Variants in SUN2 observed in about 807,000 individuals in gnomAD.
SUN2 encodes the protein SUN domain-containing protein 2.
A neutral mutation model predicts 100.0 loss-of-function variants in SUN2; 60 were observed. That is an observed-to-expected ratio of 0.60 (90% CI 0.49 to 0.74). The LOEUF is 0.74. SUN2 is among the 30% of genes least tolerant of loss of function. SUN2 has a pLI of 0.00. For synonymous variants in SUN2, 367 were observed against 403.3 expected (o/e 0.91, Z 1.08); for missense variants, 834 against 954.6 (o/e 0.87, Z 1.66).
In SUN2 at chr22:38,739,570, C is replaced by T; in HGVS notation, c.1579-144G>A. ...GCCCAGGCAGATGTGGGCACACTGC[C>T]ACCCACCCATGCCAGCCCCACAGCA... On this transcript the variant is annotated intron_variant, in intron 13 of 17. Transcript: ENST00000689035. This position sits in a 1 kb window ranked among gnomAD's most constrained non-coding sequence, Gnocchi z 6.7. 7.7e-7 allele frequency: 1 copy of T among 1,299,602 alleles called. No homozygotes were observed. The highest frequency in any genetic ancestry group is 1.1e-6 in the Non-Finnish European group (1 of 923,204). The allele number at this position is 1,299,602 out of a possible 1,614,324, so 80.5% of individuals were successfully genotyped here.
chr22:38,738,998 G>A lies in SUN2; in HGVS notation c.1664-10C>T, dbSNP rs1247284024. Reference sequence around the variant, plus strand: ...CTGATGACGCTGGCCCCTGAGACAGGAGAGGAAGGCAGGGTGGGCTCCCGC... The same window carrying A: ...CTGATGACGCTGGCCCCTGAGACAGAAGAGGAAGGCAGGGTGGGCTCCCGC... On this transcript the variant is annotated splice_polypyrimidine_tract_variant and intron_variant, in intron 14 of 17. Transcript: ENST00000689035. The surrounding 1 kb of genome is among the most constrained non-coding windows in gnomAD (Gnocchi z 6.6). The A allele has an allele frequency of 6.2e-7, 1 of 1,603,524 alleles. No homozygotes were observed. Among genetic ancestry groups the A allele is most frequent in the Non-Finnish European group, 8.5e-7 (1 of 1,175,424 alleles).
rs2092841569 is a variant in SUN2 at position 38,740,085 on chromosome 22, G to A, written c.1357-142C>T. 4.9e-6 allele frequency: 6 copies of A among 1,213,432 alleles called. No individual in the cohort carries two copies. Among genetic ancestry groups the A allele is most frequent in the East Asian group, 4.9e-5 (2 of 40,462 alleles). 75.2% of individuals were successfully genotyped at this position (1,213,432 alleles called of 1,614,324 possible). ...GGAAAGAGTTATGAACACTCCATGG[G>A]CACTAACAAAAACAGGAAGAACGCC... On this transcript the variant is annotated intron_variant, in intron 12 of 17. Coordinates refer to ENST00000689035, the MANE Select transcript of SUN2 (RefSeq NM_015374.3). The surrounding 1 kb of genome is among the most constrained non-coding windows in gnomAD (Gnocchi z 4.8).
Position 38,736,174 on chromosome 22 carries a change from A to G in SUN2, c.*93T>C, listed in dbSNP as rs769901902. ...CCACAGGCTCCTCTCTTGTGCTCCT[A>G]GAAGTCAGAGCGCCGAGCAAGCGTG... On this transcript the variant is annotated 3_prime_UTR_variant, in exon 18 of 18. Coordinates refer to ENST00000689035, the MANE Select transcript of SUN2 (RefSeq NM_015374.3). 4.9e-6 allele frequency: 6 copies of G among 1,221,344 alleles called. No homozygotes were observed. The South Asian group carries it at 5.0e-5, about 10-fold the overall frequency. The allele number at this position is 1,221,344 out of a possible 1,614,324, so 75.7% of individuals were successfully genotyped here. A position where few individuals can be genotyped will look rare whatever the true frequency, so the allele number is the denominator to read the frequency against.
chr22:38,754,763 G>A lies in SUN2; in HGVS notation c.-38+1000C>T, dbSNP rs536069192. The A allele has an allele frequency of 9.1e-5, 117 of 1,288,224 alleles. No homozygotes were observed. The African/African-American group carries it at 1.6e-3, about 18-fold the overall frequency. The allele number at this position is 1,288,224 out of a possible 1,614,324, so 79.8% of individuals were successfully genotyped here. ...TTATACCATACCCAAGCTGCCGCTG[G>A]GAAGAACTAAATATTCTGATGGAGG... On this transcript the variant is annotated intron_variant, in intron 1 of 17. Transcript: ENST00000689035.
chr22:38,751,008 C>T lies in SUN2; in HGVS notation c.314G>A (p.Arg105Lys). Reference sequence around the variant, plus strand: ...GCTGCTCTCTGAGCCACCCGTGCCTCTCCTCCTCCGCACCCGCAGGTCCTC... The same window carrying T: ...GCTGCTCTCTGAGCCACCCGTGCCTTTCCTCCTCCGCACCCGCAGGTCCTC... Reference protein sequence around the residue: ...WGEDLRVRRRRGTGGSESSRA... With the variant: ...WGEDLRVRRRKGTGGSESSRA... The change falls in exon 4 of 18, where the codon AGA becomes AAA. Residue 105 changes from arginine (R) to lysine (K), a missense_variant. This residue lies in a region of SUN2 where 559 missense variants were observed against 597.7 expected (regional missense o/e 0.94). Coordinates refer to ENST00000689035, the MANE Select transcript of SUN2 (RefSeq NM_015374.3). 2 of 1,613,526 alleles carry T rather than the reference C, an allele frequency of 1.2e-6. No individual in the cohort carries two copies. Among genetic ancestry groups the T allele is most frequent in the South Asian group, 2.2e-5 (2 of 91,038 alleles).
chr22:38,741,363 T>C, intron 10 of SUN2, 131 bp downstream of exon 10: 1 of 937,362 alleles, frequency 1.1e-6, no homozygotes, highest in African/African-American at 1.6e-5. Flanking sequence ...AACAGAGAAG[T>C]CAGAGGAGGG....
At chr22:38,741,103 T>G (rs893741999) in intron 10 of SUN2, 53 bp from the exon 11 acceptor site, 8 of 1,555,524 alleles carry the variant, frequency 5.1e-6, no homozygotes, top group Admixed American at 1.9e-5. Context: ...GAAATTGGTG[T>G]TCCAGAGTAG....
chr22:38,754,600 A>G (rs2092971132), intron 1 of SUN2: 2 of 840,056 alleles, frequency 2.4e-6, no homozygotes, highest in Non-Finnish European at 1.7e-6. Context: ...TTATAAGGTA[A>G]TCTCCCCTCC....
At chr22:38,745,843 T>C (rs781101067) in intron 7 of SUN2, 32 bp from the exon 8 acceptor site, 1 of 1,608,592 alleles carries the variant, frequency 6.2e-7, no homozygotes, top group South Asian at 1.1e-5. Context: ...TTACCCCAGC[T>C]GGGCCTCCAG....
At chr22:38,736,604 C>T (rs1421455286) in intron 17 of SUN2, 4 of 392,414 alleles carry the variant, frequency 1.0e-5, no homozygotes, top group Middle Eastern at 6.6e-4. Flanking sequence ...TCATCTGAAA[C>T]CGGAATGAAT....
At chr22:38,753,886 T>C (rs1454137978) in intron 1 of SUN2, among the ~76,000 whole-genome samples, 1 of 152,160 alleles carries the variant, frequency 6.6e-6, no homozygotes, top group African/African-American at 2.4e-5. Flanking sequence ...AGTTTTCCAG[T>C]TGTTTCAGGA....
In SUN2 at chr22:38,738,856, G is replaced by A. The variant is rs749003532; in HGVS notation, c.1779+17C>T. 3 of 1,598,534 alleles carry A rather than the reference G, an allele frequency of 1.9e-6. No individual in the cohort carries two copies. Among genetic ancestry groups the A allele is most frequent in the Admixed American group, 1.7e-5 (1 of 59,258 alleles). On this transcript the variant is annotated intron_variant, in intron 15 of 17. Transcript: ENST00000689035. This position sits in a 1 kb window ranked among gnomAD's most constrained non-coding sequence, Gnocchi z 6.6. The stretch of plus-strand genomic sequence containing the variant: ...GTGTGCTCAGAGCCCCCGCTGCTGT[G>A]CTTGCCAGGTGCCCACCTGGAGGAT...
At chr22:38,749,929 C>T in intron 5 of SUN2, 70 bp from the exon 6 acceptor site, 1 of 1,465,290 alleles carries the variant, frequency 6.8e-7, no homozygotes. Flanking sequence ...GTCCCGTCTG[C>T]CGTCCTCCCT....
Position 38,737,366 on chromosome 22 carries a change from G to A in SUN2, c.2040+807C>T, listed in dbSNP as rs566440916. Among the ~76,000 whole-genome samples, 19 of 152,018 alleles carry A rather than the reference G, an allele frequency of 1.2e-4. No individual in the cohort carries two copies. The East Asian group carries it at 3.1e-3, about 25-fold the overall frequency. On this transcript the variant is annotated intron_variant, in intron 17 of 17. Coordinates refer to ENST00000689035, the MANE Select transcript of SUN2 (RefSeq NM_015374.3). The surrounding 1 kb of genome is among the most constrained non-coding windows in gnomAD (Gnocchi z 4.1). ...CAACTGGACATTCACGACCCTCCCT[G>A]CTACGTCTTTGTCCTCACTCCCAAC...
intron 7 of SUN2, among the ~76,000 whole-genome samples, chr22:38,747,484 A>G (rs1472400495): frequency 6.6e-6 from 1 of 152,256 alleles, no homozygotes; most frequent in Non-Finnish European, 1.5e-5. Context: ...TAAAAGAAAT[A>G]CAAGTTGAAT....
At position 38,751,202 on chromosome 22, in the gene SUN2, A is replaced by G. The variant is rs1432614088; in HGVS notation, c.286+8T>C. The G allele has an allele frequency of 6.2e-7, 1 of 1,610,706 alleles. No homozygotes were observed. Among genetic ancestry groups the G allele is most frequent in the East Asian group, 2.2e-5 (1 of 44,768 alleles). ...GCAAAGCCCCGGGACGGAGGGCTCCACACTCACCCCAGTTGGCGTCACCAT... is the reference window on the plus strand; with the variant it reads ...GCAAAGCCCCGGGACGGAGGGCTCCGCACTCACCCCAGTTGGCGTCACCAT... On this transcript the variant is annotated splice_region_variant and intron_variant, in intron 3 of 17. Coordinates refer to ENST00000689035, the MANE Select transcript of SUN2 (RefSeq NM_015374.3).
At position 38,739,248 on chromosome 22, in the gene SUN2, G is replaced by T; in HGVS notation, c.1663+94C>A. ...GTGATTTCTGCTGATCCTGAGCTTTGCTTGCTCTGCCCCACCACCAACCTG... is the reference window on the plus strand; with the variant it reads ...GTGATTTCTGCTGATCCTGAGCTTTTCTTGCTCTGCCCCACCACCAACCTG... On this transcript the variant is annotated intron_variant, in intron 14 of 17. Transcript: ENST00000689035. This position sits in a 1 kb window ranked among gnomAD's most constrained non-coding sequence, Gnocchi z 6.7. 3 of 1,376,756 alleles carry T rather than the reference G, an allele frequency of 2.2e-6. No individual in the cohort carries two copies. Among genetic ancestry groups the T allele is most frequent in the East Asian group, 2.3e-5 (1 of 43,580 alleles). The allele number at this position is 1,376,756 out of a possible 1,614,324, so 85.3% of individuals were successfully genotyped here. A position where few individuals can be genotyped will look rare whatever the true frequency, so the allele number is the denominator to read the frequency against.
chr22:38,740,022 C>G lies in SUN2; in HGVS notation c.1357-79G>C. ...CTGCTATGACAGGGCTAGTGCTTAG[C>G]TGGATAGCAGGGATAGGGTAGGAGG... On this transcript the variant is annotated intron_variant, in intron 12 of 17. Transcript: ENST00000689035. This position sits in a 1 kb window ranked among gnomAD's most constrained non-coding sequence, Gnocchi z 4.8. The G allele has an allele frequency of 1.1e-5, 17 of 1,502,284 alleles. No homozygotes were observed. The South Asian group carries it at 2.0e-4, about 18-fold the overall frequency. The allele number at this position is 1,502,284 out of a possible 1,614,324, so 93.1% of individuals were successfully genotyped here.
intron 8 of SUN2, chr22:38,745,092 T>C: frequency 2.1e-6 from 1 of 471,174 alleles, no homozygotes; most frequent in African/African-American, 2.0e-5. Context: ...GTGTGCTGGT[T>C]CTGGATCAAG....
Sources: gnomAD v4.1 joint callset for allele counts (sites outside exome capture counted in the v4.1 genomes callset) on GRCh38, gnomAD v4.1.1 for gene constraint, gnomAD v4.1.1 regional missense constraint, Gnocchi (gnomAD v3.1) non-coding constraint, MANE v1.5 for transcripts, NCBI Gene and HGNC (gene_info 2026-07-23, HGNC 2026-07-21) for gene names.